The following MAST2 variants were observed in gnomAD, a reference collection of about 807,000 sequenced individuals.
MAST2 encodes microtubule-associated serine/threonine-protein kinase 2.
MAST2 carries 70 observed loss-of-function variants against 147.4 expected under a neutral mutation model. That is an observed-to-expected ratio of 0.47 (90% confidence interval 0.39 to 0.58). The LOEUF (loss-of-function observed/expected upper bound fraction) is 0.58. Among genes scored for constraint, MAST2 ranks in the 20% least tolerant of loss-of-function variants. The pLI, the probability that MAST2 is intolerant of heterozygous loss-of-function variation, is 0.00. For synonymous variants in MAST2, 869 were observed against 896.8 expected (o/e 0.97, Z 0.55); for missense variants, 2,080 against 2,302.3 (o/e 0.90, Z 1.98).
chr1:45,872,561 A>C (rs915613733), intron 3 of MAST2, among the ~76,000 whole-genome samples: 27 of 150,582 alleles, frequency 1.8e-4, no homozygotes, highest in Non-Finnish European at 3.7e-4. Flanking sequence ...GCTCACCGCA[A>C]CCTCCACTTG....
intron 5 of MAST2, among the ~76,000 whole-genome samples, chr1:45,983,564 C>T (rs1270534716): frequency 6.6e-6 from 1 of 151,366 alleles, no homozygotes; most frequent in Non-Finnish European, 1.5e-5. Flanking sequence ...GATCGCAGCT[C>T]ACTGCAGCCT....
chr1:45,896,673 C>T (rs1484134962), intron 4 of MAST2, among the ~76,000 whole-genome samples: 1 of 152,170 alleles, frequency 6.6e-6, no homozygotes, highest in Non-Finnish European at 1.5e-5. Context: ...AGGCCTAACG[C>T]AGCCAACATT....
chr1:45,840,073 TA>T (rs1436950337), intron 3 of MAST2, among the ~76,000 whole-genome samples: 1 of 152,064 alleles, frequency 6.6e-6, no homozygotes, highest in Non-Finnish European at 1.5e-5. Flanking sequence ...TTTCTTGGAG[TA>T]AAAAAAGCTT....
At chr1:45,835,424 T>C (rs1038478415) in intron 3 of MAST2, among the ~76,000 whole-genome samples, 1 of 152,124 alleles carries the variant, frequency 6.6e-6, no homozygotes, top group African/African-American at 2.4e-5. Flanking sequence ...TGATTACCAA[T>C]AACCATTCTA....
chr1:45,897,525 A>G (rs1648937914), intron 4 of MAST2, among the ~76,000 whole-genome samples: 1 of 152,192 alleles, frequency 6.6e-6, no homozygotes, highest in South Asian at 2.1e-4. Context: ...AGAAAAAACT[A>G]TAGGCTAGGC....
intron 4 of MAST2, among the ~76,000 whole-genome samples, chr1:45,895,811 G>A (rs1648640488): frequency 6.6e-6 from 1 of 152,066 alleles, no homozygotes; most frequent in Non-Finnish European, 1.5e-5. Flanking sequence ...ATTGAAAATG[G>A]CAAAATGTCA....
intron 10 of MAST2, among the ~76,000 whole-genome samples, chr1:46,018,168 C>A (rs1277396189): frequency 6.6e-6 from 1 of 152,224 alleles, no homozygotes; most frequent in Admixed American, 6.5e-5. Context: ...TGCTGCCCAC[C>A]TCTTCCTACT....
At chr1:45,996,486 G>A (rs1645063485) in intron 5 of MAST2, among the ~76,000 whole-genome samples, 1 of 152,142 alleles carries the variant, frequency 6.6e-6, no homozygotes, top group African/African-American at 2.4e-5. Flanking sequence ...CTAGCCAGAA[G>A]ATGGGGAGAG....
chr1:45,968,482 GT>G (rs35946730), intron 5 of MAST2, among the ~76,000 whole-genome samples: 72,469 of 144,020 alleles, frequency 0.5, 18,100 homozygotes, highest in East Asian at 0.63. Flanking sequence ...TTTTTTTGTT[GT>G]TTTTTTTTTT....
chr1:46,023,587 TG>T lies in MAST2; in HGVS notation c.1572-183del. On this transcript the variant is annotated intron_variant, in intron 14 of 28. Transcript: ENST00000361297. This position sits in a 1 kb window ranked among gnomAD's most constrained non-coding sequence, Gnocchi z 4.9. The stretch of plus-strand genomic sequence containing the variant: ...AGCATTGAGCCGTGTCATCAGGACA[TG>T]GTCTATCAAGAAGTTTAAGAGTTCT... The T allele has an allele frequency of 1.6e-6, 1 of 635,384 alleles. No homozygotes were observed. Among genetic ancestry groups the T allele is most frequent in the Non-Finnish European group, 2.8e-6 (1 of 362,946 alleles). The allele number at this position is 635,384 out of a possible 1,614,324, so 39.4% of individuals were successfully genotyped here.
At chr1:46,025,045 G>A (rs759988116) in intron 15 of MAST2, among the ~76,000 whole-genome samples, 1 of 152,186 alleles carries the variant, frequency 6.6e-6, no homozygotes, top group African/African-American at 2.4e-5. Flanking sequence ...TGGGCCGGAC[G>A]TGGTGGCTCA....
At chr1:45,833,715 T>C (rs937062919) in intron 3 of MAST2, among the ~76,000 whole-genome samples, 1 of 152,202 alleles carries the variant, frequency 6.6e-6, no homozygotes, top group Admixed American at 6.5e-5. Flanking sequence ...ACCGGACATT[T>C]GTTTGTCTTC....
chr1:45,966,539 G>A (rs945011299), intron 5 of MAST2, among the ~76,000 whole-genome samples: 24 of 151,960 alleles, frequency 1.6e-4, no homozygotes, highest in African/African-American at 3.4e-4. Flanking sequence ...AAGACAAGCC[G>A]GGCCAACATG....
intron 3 of MAST2, among the ~76,000 whole-genome samples, chr1:45,855,029 C>G (rs1468848736): frequency 6.6e-6 from 1 of 152,208 alleles, no homozygotes; most frequent in Non-Finnish European, 1.5e-5. Context: ...ATCCTGGAAG[C>G]TCTCTGAACC....
chr1:45,952,674 T>A (rs957294686), intron 4 of MAST2, among the ~76,000 whole-genome samples: 8 of 152,182 alleles, frequency 5.3e-5, no homozygotes, highest in Non-Finnish European at 1.2e-4. Context: ...CAGAATAATA[T>A]TTTTAAAGTA....
intron 5 of MAST2, among the ~76,000 whole-genome samples, chr1:45,995,762 G>A (rs1047522042): frequency 4.6e-5 from 7 of 152,134 alleles, no homozygotes; most frequent in African/African-American, 1.7e-4. Flanking sequence ...TTTGCCTACT[G>A]TGTTTGAACA....
In MAST2 at chr1:46,035,937, C is replaced by A; in HGVS notation, c.5268C>A (p.Asp1756Glu). The A allele has an allele frequency of 6.2e-7, 1 of 1,614,014 alleles. No individual in the cohort carries two copies. The highest frequency in any genetic ancestry group is 1.6e-4 in the Middle Eastern group (1 of 6,062). ...ATGCCTCAGGTGACAGAAGGCAGGA[C>A]GTTCCATGCCGAGGCTGCCCCCTCA... ...VPDASGDRRQ[D>E]VPCRGCPLTQ... is the part of the protein sequence containing the mutation. The change falls in exon 29 of 29, where the codon GAC (aspartate) becomes GAA (glutamate). Residue 1756 changes from aspartate to glutamate, a missense_variant. Coordinates refer to ENST00000361297, the MANE Select transcript of MAST2 (RefSeq NM_015112.3). This position sits in a 1 kb window ranked among gnomAD's most constrained non-coding sequence, Gnocchi z 5.5.
At chr1:45,950,959 T>C (rs1343659479) in intron 4 of MAST2, among the ~76,000 whole-genome samples, 1 of 152,180 alleles carries the variant, frequency 6.6e-6, no homozygotes, top group African/African-American at 2.4e-5. Flanking sequence ...GGCTCATGCC[T>C]GTAATCCCAG....
chr1:45,908,245 C>T (rs1031692501), intron 4 of MAST2, among the ~76,000 whole-genome samples: 6 of 151,992 alleles, frequency 3.9e-5, no homozygotes, highest in South Asian at 4.1e-4. Flanking sequence ...ATGTGCAGAA[C>T]GTACAGGTTT....
Sources: allele counts gnomAD v4.1 joint callset (sites outside exome capture counted in the v4.1 genomes callset), GRCh38; gene constraint gnomAD v4.1.1; non-coding constraint Gnocchi (gnomAD v3.1); transcripts MANE v1.5; gene names NCBI Gene and HGNC (gene_info 2026-07-23, HGNC 2026-07-21).